Variants in CLSTN1 observed in about 807,000 individuals in gnomAD.
CLSTN1 encodes calsyntenin-1.
CLSTN1 carries 28 observed loss-of-function variants against 108.3 expected under a neutral mutation model. That is an observed-to-expected ratio of 0.26 (90% CI 0.19 to 0.35). The LOEUF is 0.35. Among genes scored for constraint, CLSTN1 ranks in the 10% least tolerant of loss-of-function variants. The pLI is 1.00. For missense variants in CLSTN1, 1,157 were observed against 1,302.6 expected (o/e 0.89, Z 1.72); for synonymous variants, 524 against 534.9 (o/e 0.98, Z 0.28).
At chr1:9,814,368 C>T (rs1051497750) in intron 1 of CLSTN1, among the ~76,000 whole-genome samples, 1 of 151,748 alleles carries the variant, frequency 6.6e-6, no homozygotes, top group Non-Finnish European at 1.5e-5. Context: ...GAGCTGAGAT[C>T]GTGCCACTGC....
intron 1 of CLSTN1, among the ~76,000 whole-genome samples, chr1:9,784,621 T>C (rs541555580): frequency 2.0e-5 from 3 of 152,350 alleles, no homozygotes; most frequent in East Asian, 1.9e-4. Flanking sequence ...CAAGAGACTG[T>C]TGGCGTCTCA....
chr1:9,788,259 A>T (rs1200327737), intron 1 of CLSTN1, among the ~76,000 whole-genome samples: 1 of 151,356 alleles, frequency 6.6e-6, no homozygotes, highest in Non-Finnish European at 1.5e-5. Flanking sequence ...CTGTCTCAAA[A>T]AAATAAAAAT....
chr1:9,809,451 C>A (rs1654638809), intron 1 of CLSTN1, among the ~76,000 whole-genome samples: 1 of 152,148 alleles, frequency 6.6e-6, no homozygotes, highest in Non-Finnish European at 1.5e-5. Context: ...CCCCACCTGC[C>A]TCTCCTCGGT....
chr1:9,735,672 A>C, intron 12 of CLSTN1, 57 bp from the exon 13 acceptor site: 6 of 1,605,948 alleles, frequency 3.7e-6, no homozygotes, highest in Non-Finnish European at 5.1e-6. Flanking sequence ...GCAGGAGCTG[A>C]AACCACAGAT....
chr1:9,748,741 G>A (rs1361273219), intron 7 of CLSTN1, among the ~76,000 whole-genome samples: 3 of 151,932 alleles, frequency 2.0e-5, no homozygotes, highest in Non-Finnish European at 2.9e-5. Flanking sequence ...TGCCCACCTC[G>A]GCCTCCCAAA....
chr1:9,782,438 A>C (rs1353677894), intron 1 of CLSTN1, among the ~76,000 whole-genome samples: 1 of 152,166 alleles, frequency 6.6e-6, no homozygotes, highest in Non-Finnish European at 1.5e-5. Context: ...TAGGTAAGTA[A>C]TGTGTTTCAA....
intron 7 of CLSTN1, among the ~76,000 whole-genome samples, chr1:9,745,976 C>T (rs554149336): frequency 1.1e-4 from 16 of 151,972 alleles, no homozygotes; most frequent in African/African-American, 3.6e-4. Flanking sequence ...CCATGTTGTC[C>T]AAGCTAGTCT....
chr1:9,808,516 T>C (rs781470183), intron 1 of CLSTN1, among the ~76,000 whole-genome samples: 2 of 152,162 alleles, frequency 1.3e-5, no homozygotes, highest in Non-Finnish European at 2.9e-5. Flanking sequence ...ATGAGTTACC[T>C]TTCCAAATCA....
intron 1 of CLSTN1, among the ~76,000 whole-genome samples, chr1:9,790,766 A>C (rs570909680): frequency 6.6e-6 from 1 of 151,504 alleles, no homozygotes; most frequent in African/African-American, 2.4e-5. Context: ...GGCAAGAGAC[A>C]GCGACAATCA....
intron 1 of CLSTN1, among the ~76,000 whole-genome samples, chr1:9,814,720 G>C: frequency 6.6e-6 from 1 of 152,028 alleles, no homozygotes; most frequent in East Asian, 1.9e-4. Context: ...GACCAGCCTG[G>C]GCAACATAGG....
At chr1:9,814,117 GA>G (rs887914321) in intron 1 of CLSTN1, among the ~76,000 whole-genome samples, 5 of 150,128 alleles carry the variant, frequency 3.3e-5, no homozygotes, top group African/African-American at 1.2e-4. Context: ...AAAAAAGAAA[GA>G]AAAATGTTAG....
At chr1:9,790,107 T>C (rs1653693128) in intron 1 of CLSTN1, among the ~76,000 whole-genome samples, 1 of 151,588 alleles carries the variant, frequency 6.6e-6, no homozygotes, top group South Asian at 2.2e-4. Context: ...TATCAAATAA[T>C]TTCACTCAAG....
chr1:9,791,012 G>A (rs1195548810), intron 1 of CLSTN1, among the ~76,000 whole-genome samples: 1 of 150,882 alleles, frequency 6.6e-6, no homozygotes, highest in African/African-American at 2.4e-5. Context: ...GGCGCCTGTA[G>A]TCCCAGCTAC....
chr1:9,811,175 T>C (rs1476439386), intron 1 of CLSTN1, among the ~76,000 whole-genome samples: 1 of 152,208 alleles, frequency 6.6e-6, no homozygotes, highest in African/African-American at 2.4e-5. Flanking sequence ...ATGTCGTAGT[T>C]GTTATTAAAG....
At chr1:9,737,417 C>CGAAA in intron 11 of CLSTN1, 81 bp downstream of exon 11, 5 of 1,283,574 alleles carry the variant, frequency 3.9e-6, no homozygotes, top group Non-Finnish European at 4.5e-6. Flanking sequence ...GCAACTGGGG[C>CGAAA]GTTTCATGCG....
chr1:9,799,935 C>T (rs748103151), intron 1 of CLSTN1, among the ~76,000 whole-genome samples: 4 of 151,866 alleles, frequency 2.6e-5, no homozygotes, highest in Non-Finnish European at 4.4e-5. Context: ...AGCAAGACTC[C>T]GTCTCAAAAT....
chr1:9,818,776 TC>T (rs1655081135), intron 1 of CLSTN1, among the ~76,000 whole-genome samples: 4 of 139,406 alleles, frequency 2.9e-5, no homozygotes, highest in African/African-American at 1.1e-4. Context: ...TTCAAGCAAC[TC>T]TTTTTTTTTT....
intron 2 of CLSTN1, among the ~76,000 whole-genome samples, chr1:9,770,227 T>G (rs1201771434): frequency 2.6e-5 from 4 of 152,124 alleles, no homozygotes; most frequent in Non-Finnish European, 5.9e-5. Context: ...TCTATACAGT[T>G]AAAATACATA....
intron 8 of CLSTN1, 139 bp downstream of exon 8, chr1:9,744,256 G>A: frequency 7.7e-7 from 1 of 1,304,702 alleles, no homozygotes; most frequent in African/African-American, 1.5e-5. Context: ...GGAACCAAGT[G>A]CCCCAGGCAC....
Sources: allele counts gnomAD v4.1 joint callset (sites outside exome capture counted in the v4.1 genomes callset), GRCh38; gene constraint gnomAD v4.1.1; transcripts MANE v1.5; gene names NCBI Gene and HGNC (gene_info 2026-07-23, HGNC 2026-07-21).